CREB5: variants seen among roughly 807,000 people sequenced by gnomAD.
The protein encoded by CREB5 is cyclic AMP-responsive element-binding protein 5.
In CREB5, 19 loss-of-function variants were observed where a neutral mutation model predicts 57.1. The ratio of observed to expected loss-of-function variants is 0.33; its 90% confidence interval spans 0.23 to 0.49. CREB5 has a LOEUF of 0.49. Among genes scored for constraint, CREB5 ranks in the 20% least tolerant of loss-of-function variants. CREB5 has a pLI of 0.99. For synonymous variants in CREB5, 238 were observed against 238.3 expected, an observed-to-expected ratio of 1.00 and a Z score of 0.01; for missense variants, 579 against 671.6, an observed-to-expected ratio of 0.86 and a Z score of 1.52.
At chr7:28,578,051 G>C (rs760945836) in intron 5 of CREB5, among the ~76,000 whole-genome samples, 5 of 152,308 alleles carry the variant, frequency 3.3e-5, no homozygotes, top group South Asian at 2.1e-4. Flanking sequence ...GCAGTCCACT[G>C]TCTTGTATTC....
intron 7 of CREB5, among the ~76,000 whole-genome samples, chr7:28,738,454 G>T (rs1177416882): frequency 6.6e-6 from 1 of 152,228 alleles, no homozygotes; most frequent in Non-Finnish European, 1.5e-5. Flanking sequence ...CCGTACCCAT[G>T]ATAACAGAGT....
intron 4 of CREB5, among the ~76,000 whole-genome samples, chr7:28,534,237 C>T (rs1583590253): frequency 1.3e-5 from 2 of 152,198 alleles, no homozygotes. Flanking sequence ...GGAGTGCAGT[C>T]TTTCAGAGAT....
Position 28,412,890 on chromosome 7 carries a change from C to T in CREB5, c.-25C>T. The T allele has an allele frequency of 2.7e-6, 4 of 1,488,382 alleles. No homozygotes were observed. Among genetic ancestry groups the T allele is most frequent in the Non-Finnish European group, 2.7e-6 (3 of 1,116,332 alleles). The allele number at this position is 1,488,382 out of a possible 1,614,324, so 92.2% of individuals were successfully genotyped here. On this transcript the variant is annotated 5_prime_UTR_variant, in exon 1 of 11. The change creates a new upstream start codon in the 5' untranslated region. Coordinates refer to ENST00000357727, the MANE Select transcript of CREB5 (RefSeq NM_182898.4). Reference sequence around the variant, plus strand: ...GATTTGGTGACTGCAGGAAGCAACACGTTGCTGCTTTTATTCTACAGATAA... The same window carrying T: ...GATTTGGTGACTGCAGGAAGCAACATGTTGCTGCTTTTATTCTACAGATAA...
intron 4 of CREB5, among the ~76,000 whole-genome samples, chr7:28,562,978 A>G (rs925370872): frequency 1.1e-4 from 17 of 152,332 alleles, no homozygotes; most frequent in African/African-American, 4.1e-4. Flanking sequence ...AGACGTCTGA[A>G]GCCAAACTGC....
chr7:28,376,205 A>G (rs950747383), intron 1 of CREB5, among the ~76,000 whole-genome samples: 2 of 151,850 alleles, frequency 1.3e-5, no homozygotes, highest in African/African-American at 2.4e-5. Flanking sequence ...ACACAAGCAA[A>G]TGGTCTTCCT....
At chr7:28,454,926 G>T (rs1420808675) in intron 1 of CREB5, among the ~76,000 whole-genome samples, 6 of 152,158 alleles carry the variant, frequency 3.9e-5, no homozygotes. Context: ...TGATTTTACA[G>T]TGGCCTCAGC....
At chr7:28,798,977 T>C (rs2128796674) in intron 7 of CREB5, among the ~76,000 whole-genome samples, 1 of 152,364 alleles carries the variant, frequency 6.6e-6, no homozygotes, top group African/African-American at 2.4e-5. Flanking sequence ...ACTGGTCATT[T>C]ATCATCCCTA....
chr7:28,704,086 G>A (rs1050514051), intron 5 of CREB5, among the ~76,000 whole-genome samples: 1 of 152,216 alleles, frequency 6.6e-6, no homozygotes, highest in Non-Finnish European at 1.5e-5. Context: ...GTCCCAATGA[G>A]TCTGATGGCT....
intron 1 of CREB5, among the ~76,000 whole-genome samples, chr7:28,445,727 A>G (rs1429346284): frequency 1.3e-5 from 2 of 151,488 alleles, no homozygotes; most frequent in East Asian, 2.0e-4. Flanking sequence ...AATTTTTTGT[A>G]TTTTTAGTTG....
At position 28,819,768 on chromosome 7, in the gene CREB5, C is replaced by G. The variant is rs1809654617; in HGVS notation, c.*489C>G. ...AATTCCAGATAAACACACAGCCTTT[C>G]CCATACCTTTTTTTTTCTTACTATA... On this transcript the variant is annotated 3_prime_UTR_variant, in exon 11 of 11. Coordinates refer to ENST00000357727, the MANE Select transcript of CREB5 (RefSeq NM_182898.4). The G allele has an allele frequency of 6.6e-6, 1 of 152,644 alleles. No homozygotes were observed. The highest frequency in any genetic ancestry group is 1.5e-5 in the Non-Finnish European group (1 of 68,212). 9.5% of individuals were successfully genotyped at this position (152,644 alleles called of 1,614,324 possible).
chr7:28,813,467 G>A (rs973382377), intron 9 of CREB5, among the ~76,000 whole-genome samples: 1 of 152,198 alleles, frequency 6.6e-6, no homozygotes, highest in Non-Finnish European at 1.5e-5. Context: ...CTGGGACTTG[G>A]CAAGCGAATA....
chr7:28,605,743 G>A (rs1296730996), intron 5 of CREB5, among the ~76,000 whole-genome samples: 2 of 151,168 alleles, frequency 1.3e-5, no homozygotes, highest in African/African-American at 2.4e-5. Context: ...ACAAAATGAG[G>A]GGTTTCACAA....
rs369429565 is a variant in CREB5, at chr7:28,818,059, T to C, written c.1255-12T>C. ...GTCTTCTCAACATGGTTTTAATACA[T>C]ATCTCTTTTAGAATGAAGTGTCTAT... On this transcript the variant is annotated splice_polypyrimidine_tract_variant and intron_variant, in intron 9 of 10. Transcript: ENST00000357727. 3.1e-6 allele frequency: 5 copies of C among 1,606,666 alleles called. No individual in the cohort carries two copies. In the African/African-American group the frequency reaches 4.0e-5, roughly 13 times the overall value.
chr7:28,364,570 T>G (rs1786551327), intron 1 of CREB5, among the ~76,000 whole-genome samples: 1 of 152,152 alleles, frequency 6.6e-6, no homozygotes, highest in South Asian at 2.1e-4. Context: ...TCCTGGGCCC[T>G]CCATCATGCT....
At chr7:28,532,646 A>C (rs1481697715) in intron 4 of CREB5, among the ~76,000 whole-genome samples, 1 of 152,250 alleles carries the variant, frequency 6.6e-6, no homozygotes, top group East Asian at 1.9e-4. Flanking sequence ...AAAGGAACTA[A>C]CAAAGTAATT....
intron 7 of CREB5, among the ~76,000 whole-genome samples, chr7:28,780,114 A>G (rs537701364): frequency 6.6e-6 from 1 of 152,224 alleles, no homozygotes; most frequent in African/African-American, 2.4e-5. Flanking sequence ...CAGTTCCTTG[A>G]GAGTAGGAGC....
chr7:28,510,444 T>C (rs1425540946), intron 4 of CREB5, among the ~76,000 whole-genome samples: 1 of 152,212 alleles, frequency 6.6e-6, no homozygotes, highest in African/African-American at 2.4e-5. Context: ...TCTGGAGAAT[T>C]TGGCTAAAGA....
chr7:28,665,069 A>G (rs952577452), intron 5 of CREB5, among the ~76,000 whole-genome samples: 1 of 152,232 alleles, frequency 6.6e-6, no homozygotes, highest in Non-Finnish European at 1.5e-5. Flanking sequence ...TAAGAAAAAG[A>G]CAAAAGCTGG....
chr7:28,723,745 CAAA>C (rs547977586), intron 6 of CREB5, among the ~76,000 whole-genome samples: 1 of 152,034 alleles, frequency 6.6e-6, no homozygotes, highest in South Asian at 2.1e-4. Context: ...AATTTAGAGA[CAAA>C]AAAAGCCATA....
Sources: gnomAD v4.1 joint callset for allele counts (sites outside exome capture counted in the v4.1 genomes callset) on GRCh38, gnomAD v4.1.1 for gene constraint, MANE v1.5 for transcripts, NCBI Gene and HGNC (gene_info 2026-07-23, HGNC 2026-07-21) for gene names.